The following APLP2 variants were observed in gnomAD, a reference collection of about 807,000 sequenced individuals.
The protein encoded by APLP2 is CDEI box-binding protein.
In APLP2, 53 loss-of-function variants were observed where a neutral mutation model predicts 89.9. The observed-to-expected ratio is 0.59, with a 90% CI of 0.47 to 0.74. APLP2 has a LOEUF of 0.74. Among genes scored for constraint, APLP2 ranks in the 30% least tolerant of loss-of-function variants. The pLI, the probability that APLP2 is intolerant of heterozygous loss-of-function variation, is 0.00. For missense variants in APLP2, 973 were observed against 975.9 expected, an observed-to-expected ratio of 1.00 and a Z score of 0.04; for synonymous variants, 372 against 348.6, an observed-to-expected ratio of 1.07 and a Z score of -0.75.
intron 8 of APLP2, among the ~76,000 whole-genome samples, chr11:130,127,238 A>C (rs1357713561): frequency 2.0e-5 from 3 of 152,202 alleles, no homozygotes; most frequent in Non-Finnish European, 4.4e-5. Context: ...TGCTAGCTAG[A>C]TACTGCTGTC....
chr11:130,088,210 A>G (rs1327425746), intron 1 of APLP2, among the ~76,000 whole-genome samples: 1 of 152,218 alleles, frequency 6.6e-6, no homozygotes, highest in Non-Finnish European at 1.5e-5. Flanking sequence ...GATATCTGTA[A>G]GTCATCAAAG....
intron 1 of APLP2, among the ~76,000 whole-genome samples, chr11:130,083,625 C>T (rs1022028568): frequency 2.0e-5 from 3 of 152,248 alleles, no homozygotes; most frequent in Admixed American, 2.0e-4. Flanking sequence ...TAATGTCCTC[C>T]AGGTTCATCC....
At chr11:130,130,490 A>T (rs1207189850) in intron 11 of APLP2, among the ~76,000 whole-genome samples, 1 of 152,228 alleles carries the variant, frequency 6.6e-6, no homozygotes, top group Non-Finnish European at 1.5e-5. Context: ...AGCAGATCTT[A>T]AAAATTGGTC....
intron 1 of APLP2, among the ~76,000 whole-genome samples, chr11:130,074,970 C>G (rs1941846974): frequency 6.6e-6 from 1 of 152,066 alleles, no homozygotes; most frequent in Non-Finnish European, 1.5e-5. Context: ...ATGAGATAAA[C>G]TAGATTACCT....
intron 1 of APLP2, among the ~76,000 whole-genome samples, chr11:130,072,177 A>C (rs1413308150): frequency 6.6e-6 from 1 of 152,206 alleles, no homozygotes; most frequent in African/African-American, 2.4e-5. Context: ...AATCCGAGAC[A>C]AGTTCTCCTG....
At chr11:130,127,227 A>G (rs761031673) in intron 8 of APLP2, among the ~76,000 whole-genome samples, 1 of 152,228 alleles carries the variant, frequency 6.6e-6, no homozygotes, top group Non-Finnish European at 1.5e-5. Context: ...GTACTAATAC[A>G]TGCTAGCTAG....
intron 1 of APLP2, among the ~76,000 whole-genome samples, chr11:130,074,404 CAG>C (rs1941730755): frequency 2.0e-5 from 3 of 152,092 alleles, no homozygotes; most frequent in Admixed American, 2.0e-4. Context: ...TTAGTAGAGA[CAG>C]GGTTTCACCA....
chr11:130,106,845 C>T (rs1232020943), intron 1 of APLP2, among the ~76,000 whole-genome samples: 15 of 152,180 alleles, frequency 9.9e-5, no homozygotes, highest in South Asian at 2.1e-4. Context: ...TCCGCCACCA[C>T]GCCTGGCTAA....
chr11:130,088,499 G>A (rs1014517216), intron 1 of APLP2, among the ~76,000 whole-genome samples: 1 of 152,092 alleles, frequency 6.6e-6, no homozygotes, highest in East Asian at 2.0e-4. Context: ...AAGAAGGTTT[G>A]TAGAGCAAGC....
At chr11:130,070,220 C>A in intron 1 of APLP2, 138 bp downstream of exon 1, 1 of 380,078 alleles carries the variant, frequency 2.6e-6, no homozygotes, top group Non-Finnish European at 4.0e-6. Context: ...GGGTCTGGCG[C>A]GCCCTCCCCC....
In APLP2 at chr11:130,097,707, A is replaced by G. The variant is rs182709744; in HGVS notation, c.106-11722A>G. 3.3e-4 allele frequency among the ~76,000 whole-genome samples: 51 copies of G among 152,326 alleles called. No homozygotes were observed. In the East Asian group the frequency reaches 5.8e-3, roughly 17 times the overall value. Reference sequence around the variant, plus strand: ...ACAACAACAACAAAATACCCACAAGAAAAACCTAAACCTGTGATTTCCAGT... The same window carrying G: ...ACAACAACAACAAAATACCCACAAGGAAAACCTAAACCTGTGATTTCCAGT... On this transcript the variant is annotated intron_variant, in intron 1 of 16. Transcript: ENST00000338167.
chr11:130,123,795 C>A lies in APLP2; in HGVS notation c.1090+16C>A, dbSNP rs758568357. ...AAAGCGATGAGTAAGTCCTGCCTCG[C>A]GCTGGTCCCGTGCGGCAGCACCGTC... On this transcript the variant is annotated intron_variant, in intron 7 of 16. Coordinates refer to ENST00000338167, the MANE Select transcript of APLP2 (RefSeq NM_001142276.2). The surrounding 1 kb of genome is among the most constrained non-coding windows in gnomAD (Gnocchi z 4.0). The A allele has an allele frequency of 4.3e-6, 7 of 1,612,172 alleles. No homozygotes were observed. In the African/African-American group the frequency reaches 8.0e-5, roughly 18 times the overall value.
intron 1 of APLP2, among the ~76,000 whole-genome samples, chr11:130,100,656 A>ATACC (rs1946784687): frequency 6.6e-6 from 1 of 152,220 alleles, no homozygotes; most frequent in Admixed American, 6.5e-5. Context: ...CTTGGAAATG[A>ATACC]TACCTCATTT....
intron 10 of APLP2, 136 bp downstream of exon 10, chr11:130,129,342 G>T: frequency 2.9e-6 from 3 of 1,019,074 alleles, no homozygotes; most frequent in Non-Finnish European, 4.2e-6. Flanking sequence ...TGATGAGGGA[G>T]GAAAAGGTAT....
intron 1 of APLP2, among the ~76,000 whole-genome samples, chr11:130,079,079 TTTTTTTTATTTATTTA>T (rs945410812): frequency 5.9e-5 from 6 of 102,010 alleles, no homozygotes; most frequent in African/African-American, 5.3e-4. Context: ...ATGACATGTA[TTTTTTTTATTTATTTA>T]TTTATTTATT....
At chr11:130,133,305 T>A (rs1951140836) in intron 11 of APLP2, among the ~76,000 whole-genome samples, 1 of 152,060 alleles carries the variant, frequency 6.6e-6, no homozygotes, top group African/African-American at 2.4e-5. Context: ...GTATTTTTGG[T>A]GGAGACAGGG....
chr11:130,128,900 G>A, intron 9 of APLP2, 148 bp from the exon 10 acceptor site: 1 of 789,730 alleles, frequency 1.3e-6, no homozygotes, highest in African/African-American at 1.7e-5. Context: ...GGATGAAGTA[G>A]ACTTTGGATC....
In APLP2 at chr11:130,084,876, T is replaced by A. The variant is rs562150226; in HGVS notation, c.105+14794T>A. ...CAATAGAAAAAAATCAAAGAAAGAG[T>A]TGGGTTTTTGAAAAGATAAGCAAAA... On this transcript the variant is annotated intron_variant, in intron 1 of 16. Coordinates refer to ENST00000338167, the MANE Select transcript of APLP2 (RefSeq NM_001142276.2). Among the ~76,000 whole-genome samples the A allele has an allele frequency of 7.3e-5, 11 of 149,662 alleles. No individual in the cohort carries two copies. The South Asian group carries it at 1.3e-3, about 17-fold the overall frequency.
In APLP2 at chr11:130,101,169, G is replaced by T. The variant is rs534490824; in HGVS notation, c.106-8260G>T. ...TTACTGTATTAGGATGTGTACCCGT[G>T]TGTTTTGTTGTTGTTGTTGTTTTTT... On this transcript the variant is annotated intron_variant, in intron 1 of 16. Transcript: ENST00000338167. 3.3e-5 allele frequency among the ~76,000 whole-genome samples: 5 copies of T among 152,222 alleles called. No individual in the cohort carries two copies. In the South Asian group the frequency reaches 1.0e-3, roughly 32 times the overall value.
Sources: allele counts gnomAD v4.1 joint callset (sites outside exome capture counted in the v4.1 genomes callset), GRCh38; gene constraint gnomAD v4.1.1; non-coding constraint Gnocchi (gnomAD v3.1); transcripts MANE v1.5; gene names NCBI Gene and HGNC (gene_info 2026-07-23, HGNC 2026-07-21).